Variants in GLB1 observed in about 807,000 individuals in gnomAD.
GLB1 encodes galactosidase beta 1.
A neutral mutation model predicts 74.0 loss-of-function variants in GLB1; 56 were observed. The observed-to-expected ratio is 0.76, with a 90% confidence interval of 0.61 to 0.94. The LOEUF (loss-of-function observed/expected upper bound fraction) is 0.94, where lower values mean the gene tolerates loss of function less well. Among genes scored for constraint, GLB1 ranks in the 40% least tolerant of loss-of-function variants. The probability of loss-of-function intolerance (pLI) is 0.00; values close to 1 mark genes in which losing one functional copy is unlikely to be tolerated. For missense variants in GLB1, 787 were observed against 845.5 expected, an observed-to-expected ratio of 0.93 and a Z score of 0.86; for synonymous variants, 323 against 323.6, an observed-to-expected ratio of 1.00 and a Z score of 0.02.
At chr3:33,087,626 C>T (rs1043421043) in intron 1 of GLB1, among the ~76,000 whole-genome samples, 1 of 134,544 alleles carries the variant, frequency 7.4e-6, no homozygotes, top group Non-Finnish European at 1.6e-5. Flanking sequence ...CACACACACA[C>T]ACACTCAAAG....
At chr3:33,090,615 A>G in intron 1 of GLB1, 1 of 985,460 alleles carries the variant, frequency 1.0e-6, no homozygotes, top group Non-Finnish European at 1.2e-6. Context: ...CCGGCCACAA[A>G]CAAACAAAAA....
At chr3:32,962,562 C>T in the GLB1 span, among the ~76,000 whole-genome samples, 1 of 151,592 alleles carries the variant, frequency 6.6e-6, no homozygotes, top group South Asian at 2.1e-4. Context: ...ATTGGAACAC[C>T]CAAGAGAATT....
At chr3:33,030,778 AAAC>A in intron 10 of GLB1, 1 of 985,414 alleles carries the variant, frequency 1.0e-6, no homozygotes, top group Non-Finnish European at 1.2e-6. Flanking sequence ...CCCATTTCCA[AAAC>A]ATCAGCGGAA....
intron 12 of GLB1, among the ~76,000 whole-genome samples, chr3:33,019,221 G>A (rs1697369849): frequency 6.6e-6 from 1 of 152,194 alleles, no homozygotes; most frequent in African/African-American, 2.4e-5. Context: ...TAAGAGACTA[G>A]ATTGTAACCA....
chr3:33,030,590 G>A, intron 10 of GLB1: 1 of 985,454 alleles, frequency 1.0e-6, no homozygotes, highest in Non-Finnish European at 1.2e-6. Flanking sequence ...ATCAGCCAGT[G>A]TAGACAAATC....
At chr3:33,057,979 C>A in intron 6 of GLB1, 110 bp downstream of exon 6, 1 of 1,416,572 alleles carries the variant, frequency 7.1e-7, no homozygotes, top group Non-Finnish European at 9.8e-7. Context: ...AAAATGAAAA[C>A]ATGAAAAATC....
chr3:33,065,697 G>T lies in GLB1; in HGVS notation c.458-140C>A, dbSNP rs1030643021. 4.0e-6 allele frequency: 4 copies of T among 993,134 alleles called. No homozygotes were observed. The East Asian group carries it at 1.1e-4, about 28-fold the overall frequency. 61.5% of individuals were successfully genotyped at this position (993,134 alleles called of 1,614,324 possible). On this transcript the variant is annotated intron_variant, in intron 4 of 15. Coordinates refer to ENST00000307363, the MANE Select transcript of GLB1 (RefSeq NM_000404.4). ...ATTCTGAGTTTTCTGGCTGGGTGCGGTGGCTCACGCCTGTAATCCCAGCAC... is the reference window on the plus strand; with the variant it reads ...ATTCTGAGTTTTCTGGCTGGGTGCGTTGGCTCACGCCTGTAATCCCAGCAC...
the GLB1 span, among the ~76,000 whole-genome samples, chr3:32,966,105 CTA>C: frequency 6.6e-6 from 1 of 152,310 alleles, no homozygotes; most frequent in Middle Eastern, 3.4e-3. Context: ...GCTGTATTGC[CTA>C]GTGGAGCTGT....
chr3:33,035,854 C>T (rs1261588387), intron 10 of GLB1, among the ~76,000 whole-genome samples: 2 of 152,120 alleles, frequency 1.3e-5, no homozygotes, highest in Non-Finnish European at 2.9e-5. Flanking sequence ...AATGCATAGC[C>T]GATTATATCA....
chr3:33,093,557 T>C lies in GLB1; in HGVS notation c.75+3454A>G. ...CCACTGTGGGGCCCAAGTGAATGTC[T>C]GAGAGGAGCACGATCTTGAGGTTGT... is the stretch of plus-strand genomic sequence containing the variant. On this transcript the variant is annotated intron_variant, in intron 1 of 15. Transcript: ENST00000307363. The surrounding 1 kb of genome is among the most constrained non-coding windows in gnomAD (Gnocchi z 6.0). 2.5e-6 allele frequency: 4 copies of C among 1,614,216 alleles called. No homozygotes were observed. The highest frequency in any genetic ancestry group is 3.4e-6 in the Non-Finnish European group (4 of 1,180,038).
intron 15 of GLB1, among the ~76,000 whole-genome samples, chr3:33,008,154 T>C (rs1696859548): frequency 6.6e-6 from 1 of 152,162 alleles, no homozygotes; most frequent in African/African-American, 2.4e-5. Context: ...TCCCACACTT[T>C]TCCATTGGTC....
chr3:33,094,641 A>G (rs1700926135), intron 1 of GLB1, among the ~76,000 whole-genome samples: 1 of 151,440 alleles, frequency 6.6e-6, no homozygotes, highest in Non-Finnish European at 1.5e-5. Context: ...TTTTATTATA[A>G]TTCCAAGCCA....
intron 10 of GLB1, among the ~76,000 whole-genome samples, chr3:33,028,492 A>G (rs1410805668): frequency 6.6e-6 from 1 of 151,496 alleles, no homozygotes; most frequent in East Asian, 1.9e-4. Context: ...TTTTTTTGAG[A>G]TGGAGTCTCA....
downstream of GLB1, among the ~76,000 whole-genome samples, chr3:32,993,520 TAA>T (rs797006586): frequency 8.0e-6 from 1 of 124,416 alleles, no homozygotes; most frequent in Non-Finnish European, 1.7e-5. Context: ...CACATCCAGC[TAA>T]TTTTTTTTTT....
At chr3:33,055,953 C>T (rs76839463) in intron 6 of GLB1, among the ~76,000 whole-genome samples, 21,402 of 151,380 alleles carry the variant, frequency 0.14, 1,846 homozygotes, top group Admixed American at 0.25. Flanking sequence ...ACAGACCGGG[C>T]GCGGTGGCTC....
chr3:32,978,874 C>T, the GLB1 span, among the ~76,000 whole-genome samples: 82 of 150,182 alleles, frequency 5.5e-4, no homozygotes, highest in African/African-American at 1.8e-3. Context: ...ATTCTCCTGC[C>T]TCAGCTTCCT....
chr3:33,016,559 C>T (rs1438269478), intron 14 of GLB1, 150 bp downstream of exon 14: 8 of 1,367,090 alleles, frequency 5.9e-6, no homozygotes, highest in Non-Finnish European at 7.1e-6. Flanking sequence ...ACTATTTTAC[C>T]CAGGCTGGTC....
In GLB1 at chr3:33,051,616, A is replaced by G. The variant is rs1292257000; in HGVS notation, c.955+142T>C. The stretch of plus-strand genomic sequence containing the variant: ...TGAGACTGTCTACAAAAAAAAAAAA[A>G]AAAGAAAAAGAAAAAAAAAGAAAAT... On this transcript the variant is annotated intron_variant, in intron 9 of 15. Coordinates refer to ENST00000307363, the MANE Select transcript of GLB1 (RefSeq NM_000404.4). The G allele has an allele frequency of 9.2e-6, 11 of 1,196,624 alleles. 1 individual carries two copies. Among genetic ancestry groups the G allele is most frequent in the Non-Finnish European group, 1.3e-5 (11 of 878,260 alleles). The allele number at this position is 1,196,624 out of a possible 1,614,324, so 74.1% of individuals were successfully genotyped here. A position where few individuals can be genotyped will look rare whatever the true frequency, so the allele number is the denominator to read the frequency against.
At chr3:32,965,813 C>T in the GLB1 span, among the ~76,000 whole-genome samples, 1 of 152,176 alleles carries the variant, frequency 6.6e-6, no homozygotes, top group African/African-American at 2.4e-5. Context: ...TGCCCTGTGT[C>T]CCAGCCACTC....
Sources: allele counts gnomAD v4.1 joint callset (sites outside exome capture counted in the v4.1 genomes callset), GRCh38; gene constraint gnomAD v4.1.1; non-coding constraint Gnocchi (gnomAD v3.1); transcripts MANE v1.5; gene names NCBI Gene and HGNC (gene_info 2026-07-23, HGNC 2026-07-21).